TNKS2: variants seen among roughly 807,000 people sequenced by gnomAD.
TNKS2 encodes poly [ADP-ribose] polymerase tankyrase-2.
TNKS2 carries 72 observed loss-of-function variants against 137.6 expected under a neutral mutation model. That is an observed-to-expected ratio of 0.52 (90% CI 0.43 to 0.64). The LOEUF (loss-of-function observed/expected upper bound fraction) is 0.64, where lower values mean the gene tolerates loss of function less well. Ranked by LOEUF, TNKS2 falls within the 30% of genes least tolerant of loss-of-function variation. The pLI is 0.00. For missense variants in TNKS2, 1,049 were observed against 1,410.2 expected, an observed-to-expected ratio of 0.74 and a Z score of 4.10; for synonymous variants, 516 against 512.1, an observed-to-expected ratio of 1.01 and a Z score of -0.10.
chr10:91,801,343 T>G lies in TNKS2; in HGVS notation c.199+2454T>G, dbSNP rs566745146. 3.3e-5 allele frequency among the ~76,000 whole-genome samples: 5 copies of G among 152,350 alleles called. No homozygotes were observed. The East Asian group carries it at 9.6e-4, about 29-fold the overall frequency. On this transcript the variant is annotated intron_variant, in intron 1 of 26. Coordinates refer to ENST00000371627, the MANE Select transcript of TNKS2 (RefSeq NM_025235.4). Reference sequence around the variant, plus strand: ...GTGTTTTTTTATTACTGAACTAGATTGCATACTTTTCTTCTAGATAAATAT... The same window carrying G: ...GTGTTTTTTTATTACTGAACTAGATGGCATACTTTTCTTCTAGATAAATAT...
intron 13 of TNKS2, among the ~76,000 whole-genome samples, chr10:91,839,231 C>T (rs950520278): frequency 3.3e-5 from 5 of 152,266 alleles, no homozygotes; most frequent in Non-Finnish European, 5.9e-5. Context: ...CTTTTCTTCC[C>T]CAAACTTTCA....
intron 8 of TNKS2, 37 bp downstream of exon 8, chr10:91,827,240 ATATCAATAAACTGAACATTTTTT>A: frequency 7.2e-7 from 1 of 1,386,518 alleles, no homozygotes; most frequent in Non-Finnish European, 9.5e-7. Flanking sequence ...GTAGGATATT[ATATCAATAAACTGAACATTTTTT>A]CTTTCCTGTT....
rs189629328 is a variant in TNKS2, at chr10:91,813,137, T to G, written c.354T>G (p.Asn118Lys). 4.1e-5 allele frequency: 66 copies of G among 1,614,178 alleles called. No individual in the cohort carries two copies. Among genetic ancestry groups the G allele is most frequent in the Non-Finnish European group, 5.3e-5 (62 of 1,180,032 alleles). The change falls in exon 2 of 27, where the codon AAT becomes AAG. Residue 118 changes from asparagine (N) to lysine (K), a missense_variant. Coordinates refer to ENST00000371627, the MANE Select transcript of TNKS2 (RefSeq NM_025235.4). Reference sequence around the variant, plus strand: ...TTTTGCGACATGGTGCAGACCCCAATGCTCGAGATAATTGGAATTATACTC... The same window carrying G: ...TTTTGCGACATGGTGCAGACCCCAAGGCTCGAGATAATTGGAATTATACTC... ...NLLLRHGADP[N>K]ARDNWNYTPL...
In TNKS2 at chr10:91,855,595, C is replaced by T; in HGVS notation, c.2914-19C>T. On this transcript the variant is annotated intron_variant, in intron 22 of 26. Coordinates refer to ENST00000371627, the MANE Select transcript of TNKS2 (RefSeq NM_025235.4). Reference sequence around the variant, plus strand: ...CACAAATGCTAATGCACATATATTTCAAACCATTTTTCTGACAGATGCAAA... The same window carrying T: ...CACAAATGCTAATGCACATATATTTTAAACCATTTTTCTGACAGATGCAAA... 6.2e-7 allele frequency: 1 copy of T among 1,602,196 alleles called. No homozygotes were observed. The highest frequency in any genetic ancestry group is 8.5e-7 in the Non-Finnish European group (1 of 1,172,934).
chr10:91,827,435 G>A (rs1845103510), intron 8 of TNKS2, among the ~76,000 whole-genome samples: 2 of 152,148 alleles, frequency 1.3e-5, no homozygotes, highest in African/African-American at 4.8e-5. Flanking sequence ...TTTTATATGT[G>A]CTGTATTAGA....
intron 2 of TNKS2, 90 bp from the exon 3 acceptor site, chr10:91,817,044 T>C: frequency 1.2e-6 from 1 of 830,654 alleles, no homozygotes; most frequent in East Asian, 2.7e-5. Context: ...TTTGAGACTT[T>C]GCTGGACCAG....
At chr10:91,835,125 T>C (rs1589672971) in intron 12 of TNKS2, among the ~76,000 whole-genome samples, 2 of 152,248 alleles carry the variant, frequency 1.3e-5, no homozygotes. Context: ...ACAGAAGTAA[T>C]AGATTTTAAT....
intron 6 of TNKS2, among the ~76,000 whole-genome samples, chr10:91,820,954 T>C (rs1305158315): frequency 6.6e-6 from 1 of 152,220 alleles, no homozygotes; most frequent in Non-Finnish European, 1.5e-5. Flanking sequence ...ACATACGAAA[T>C]ACAGGAGGCA....
intron 13 of TNKS2, 152 bp from the exon 14 acceptor site, chr10:91,840,409 G>T (rs1350460876): frequency 1.7e-5 from 11 of 644,070 alleles, no homozygotes; most frequent in Non-Finnish European, 2.6e-5. Context: ...AAATGACAAG[G>T]TGAAATAAGA....
chr10:91,853,101 TG>T lies in TNKS2; in HGVS notation c.2815+1767del, dbSNP rs1315485185. Among the ~76,000 whole-genome samples, 6 of 152,218 alleles carry T rather than the reference TG, an allele frequency of 3.9e-5. No individual in the cohort carries two copies. The East Asian group carries it at 5.8e-4, about 15-fold the overall frequency. On this transcript the variant is annotated intron_variant, in intron 21 of 26. Transcript: ENST00000371627. ...TGATCTGGTATGATAACAATTATGTTGGAGTACCAGGATAACAAGAGTCTTT... is the reference window on the plus strand; with the variant it reads ...TGATCTGGTATGATAACAATTATGTTGAGTACCAGGATAACAAGAGTCTTT...
chr10:91,819,142 C>A, intron 3 of TNKS2, 128 bp from the exon 4 acceptor site: 1 of 570,194 alleles, frequency 1.8e-6, no homozygotes, highest in Non-Finnish European at 3.0e-6. Flanking sequence ...TGTTAATGAA[C>A]TATTTTCCAT....
At chr10:91,828,746 A>G (rs997667949) in intron 9 of TNKS2, among the ~76,000 whole-genome samples, 11 of 152,190 alleles carry the variant, frequency 7.2e-5, no homozygotes, top group African/African-American at 2.7e-4. Flanking sequence ...TTTGGAACCC[A>G]ATGAAAATAA....
chr10:91,813,030 A>G lies in TNKS2; in HGVS notation c.247A>G (p.Asn83Asp), dbSNP rs530782479. 1.9e-6 allele frequency: 3 copies of G among 1,614,166 alleles called. No homozygotes were observed. Among genetic ancestry groups the G allele is most frequent in the Admixed American group, 1.7e-5 (1 of 60,030 alleles). The change falls in exon 2 of 27, where the codon AAT becomes GAT. Residue 83 changes from asparagine (N) to aspartate (D), a missense_variant. Physicochemically the swap from Asn to Asp is conservative, Grantham distance 23 (BLOSUM62 1). Around this residue, in one of 6 missense-constraint regions of TNKS2, gnomAD observed 374 missense variants for 460.8 expected, o/e 0.81. Coordinates refer to ENST00000371627, the MANE Select transcript of TNKS2 (RefSeq NM_025235.4). ...VVEYLLQNGA[N>D]VQARDDGGLI... Reference sequence around the variant, plus strand: ...TGAATATTTGCTTCAGAATGGTGCAAATGTCCAAGCACGTGATGATGGGGG... The same window carrying G: ...TGAATATTTGCTTCAGAATGGTGCAGATGTCCAAGCACGTGATGATGGGGG...
At position 91,861,910 on chromosome 10, in the gene TNKS2, A is replaced by T. The variant is rs1033088578; in HGVS notation, c.3282-89A>T. Reference sequence around the variant, plus strand: ...AATTATAAGTATTTATGTATAAATAATTTTTTAAAACTTATGCCGTGTCCA... The same window carrying T: ...AATTATAAGTATTTATGTATAAATATTTTTTTAAAACTTATGCCGTGTCCA... On this transcript the variant is annotated intron_variant, in intron 25 of 26. Transcript: ENST00000371627. 3.3e-6 allele frequency: 4 copies of T among 1,212,784 alleles called. No individual in the cohort carries two copies. In the African/African-American group the frequency reaches 4.6e-5, roughly 14 times the overall value. 75.1% of individuals were successfully genotyped at this position (1,212,784 alleles called of 1,614,324 possible). A position where few individuals can be genotyped will look rare whatever the true frequency, so the allele number is the denominator to read the frequency against.
At chr10:91,849,770 C>T (rs887627004) in intron 20 of TNKS2, among the ~76,000 whole-genome samples, 176 bp downstream of exon 20, 13 of 152,158 alleles carry the variant, frequency 8.5e-5, no homozygotes, top group African/African-American at 2.9e-4. Context: ...TTAGTTTATT[C>T]GCACACAGTT....
intron 13 of TNKS2, among the ~76,000 whole-genome samples, 186 bp from the exon 14 acceptor site, chr10:91,840,375 G>T (rs1842174079): frequency 6.6e-6 from 1 of 152,070 alleles, no homozygotes; most frequent in South Asian, 2.1e-4. Context: ...GGGCATGGAT[G>T]AGAGGACCAG....
In TNKS2 at chr10:91,798,896, G is replaced by A; in HGVS notation, c.199+7G>A. ...CCGCTGCACTTCGCCGCAGGTAACC[G>A]GGGCCAGCGTCCCCTCGCCTCGCTC... is the stretch of plus-strand genomic sequence containing the variant. On this transcript the variant is annotated splice_region_variant and intron_variant, in intron 1 of 26. Coordinates refer to ENST00000371627, the MANE Select transcript of TNKS2 (RefSeq NM_025235.4). The A allele has an allele frequency of 7.3e-7, 1 of 1,378,062 alleles. No individual in the cohort carries two copies. The highest frequency in any genetic ancestry group is 9.5e-7 in the Non-Finnish European group (1 of 1,057,218). 85.4% of individuals were successfully genotyped at this position (1,378,062 alleles called of 1,614,324 possible). A position where few individuals can be genotyped will look rare whatever the true frequency, so the allele number is the denominator to read the frequency against.
Position 91,845,664 on chromosome 10 carries a change from G to C in TNKS2, c.2170-88G>C. On this transcript the variant is annotated intron_variant, in intron 17 of 26. Transcript: ENST00000371627. ...ATTTCCAGAATAAGTTTGAAAATGT[G>C]GAAGTAGGTACGTAACTAGTTTCAT... 6 of 1,072,666 alleles carry C rather than the reference G, an allele frequency of 5.6e-6. No homozygotes were observed. In the South Asian group the frequency reaches 1.8e-4, roughly 32 times the overall value. 66.4% of individuals were successfully genotyped at this position (1,072,666 alleles called of 1,614,324 possible).
In TNKS2 at chr10:91,851,281, T is replaced by C. The variant is rs748698316; in HGVS notation, c.2760T>C (p.Tyr920=). 8.1e-6 allele frequency: 13 copies of C among 1,612,212 alleles called. No individual in the cohort carries two copies. The highest frequency in any genetic ancestry group is 1.6e-4 in the Middle Eastern group (1 of 6,076). Residue 920 remains tyrosine, a synonymous_variant, in exon 21 of 27, where the codon TAT becomes TAC. Transcript: ENST00000371627. The part of the protein sequence containing the change: ...KELKEIGINA[Y]GHRHKLIKGV... ...TGAAGGAGATTGGAATCAATGCTTATGGACATAGGCACAAACTAATTAAAG... is the reference window on the plus strand; with the variant it reads ...TGAAGGAGATTGGAATCAATGCTTACGGACATAGGCACAAACTAATTAAAG...
Sources: allele counts gnomAD v4.1 joint callset (sites outside exome capture counted in the v4.1 genomes callset), GRCh38; gene constraint gnomAD v4.1.1; regional missense constraint gnomAD v4.1.1; transcripts MANE v1.5; gene names NCBI Gene and HGNC (gene_info 2026-07-23, HGNC 2026-07-21).